CSMD2: variants seen among roughly 807,000 people sequenced by gnomAD.
The protein encoded by CSMD2 is CUB and Sushi multiple domains 2.
A neutral mutation model predicts 398.5 loss-of-function variants in CSMD2; 130 were observed. That is an observed-to-expected ratio of 0.33 (90% CI 0.28 to 0.38). CSMD2 has a LOEUF of 0.38. CSMD2 is among the 10% of genes least tolerant of loss of function. CSMD2 has a pLI of 1.00. For missense variants in CSMD2, 3,829 were observed against 4,764.9 expected (o/e 0.80, Z 5.78); for synonymous variants, 1,828 against 1,908.5 (o/e 0.96, Z 1.10).
At chr1:33,858,740 C>T (rs1188329446) in intron 5 of CSMD2, among the ~76,000 whole-genome samples, 1 of 152,200 alleles carries the variant, frequency 6.6e-6, no homozygotes, top group African/African-American at 2.4e-5. Context: ...TACCACCCTC[C>T]TTCCTGGGAC....
chr1:33,657,603 C>T (rs961211488), intron 27 of CSMD2, among the ~76,000 whole-genome samples: 20 of 152,280 alleles, frequency 1.3e-4, no homozygotes, highest in East Asian at 1.2e-3. Flanking sequence ...AGGGTCATTT[C>T]GGAATCTGTT....
chr1:33,675,471 C>T (rs1283283395), intron 25 of CSMD2, among the ~76,000 whole-genome samples: 2 of 152,158 alleles, frequency 1.3e-5, no homozygotes, highest in Non-Finnish European at 2.9e-5. Context: ...TAATTAATAG[C>T]TTACCAACCA....
chr1:34,037,147 C>T (rs1232608741), intron 2 of CSMD2, among the ~76,000 whole-genome samples: 3 of 152,154 alleles, frequency 2.0e-5, no homozygotes, highest in Non-Finnish European at 4.4e-5. Context: ...AAAATTATAT[C>T]TATGGCTCAT....
At chr1:33,812,986 C>T (rs897998512) in intron 9 of CSMD2, 1 of 152,176 alleles carries the variant, frequency 6.6e-6, no homozygotes, top group Non-Finnish European at 1.5e-5. Context: ...AGCCCTGATT[C>T]CGTCCCACCT....
intron 31 of CSMD2, among the ~76,000 whole-genome samples, chr1:33,634,794 G>C (rs35416207): frequency 1.3e-5 from 2 of 152,046 alleles, no homozygotes; most frequent in South Asian, 4.2e-4. Flanking sequence ...GTGGCTCCTG[G>C]TCTCCCTCAC....
chr1:33,728,500 T>A (rs1557801492), intron 15 of CSMD2, among the ~76,000 whole-genome samples: 1 of 152,194 alleles, frequency 6.6e-6, no homozygotes, highest in Admixed American at 6.5e-5. Context: ...ACATGTGTTA[T>A]CTCATTTAAA....
chr1:33,624,380 G>T lies in CSMD2; in HGVS notation c.5625+139C>A. On this transcript the variant is annotated intron_variant, in intron 35 of 70. Coordinates refer to ENST00000373381, the MANE Select transcript of CSMD2 (RefSeq NM_001281956.2). This position sits in a 1 kb window ranked among gnomAD's most constrained non-coding sequence, Gnocchi z 4.7. ...CTGAGCCTCCTTAGCCGCAGGGGCA[G>T]GTACAGGGCTGATATGTCTCTTCCT... 9.5e-7 allele frequency: 1 copy of T among 1,052,780 alleles called. No homozygotes were observed. Among genetic ancestry groups the T allele is most frequent in the Non-Finnish European group, 1.4e-6 (1 of 736,880 alleles). 65.2% of individuals were successfully genotyped at this position (1,052,780 alleles called of 1,614,324 possible).
At chr1:34,110,869 T>G (rs1254784546) in intron 1 of CSMD2, among the ~76,000 whole-genome samples, 1 of 151,604 alleles carries the variant, frequency 6.6e-6, no homozygotes, top group Non-Finnish European at 1.5e-5. Context: ...ATAACAAACT[T>G]GCACATGTAC....
chr1:34,109,721 G>T (rs569943326), intron 1 of CSMD2, among the ~76,000 whole-genome samples: 18 of 152,090 alleles, frequency 1.2e-4, no homozygotes, highest in East Asian at 9.7e-4. Context: ...GTGGGCAAAG[G>T]ACATGAACAG....
At chr1:34,027,939 G>A (rs1049746541) in intron 3 of CSMD2, among the ~76,000 whole-genome samples, 5 of 152,222 alleles carry the variant, frequency 3.3e-5, no homozygotes, top group Admixed American at 1.3e-4. Context: ...TAAGTGGGGC[G>A]AGGGCTCCTG....
intron 70 of CSMD2, among the ~76,000 whole-genome samples, chr1:33,517,060 C>T (rs888342566): frequency 3.3e-5 from 5 of 151,978 alleles, no homozygotes; most frequent in Admixed American, 1.3e-4. Flanking sequence ...CAGCCCTGTT[C>T]CCCCGCCCTG....
intron 10 of CSMD2, among the ~76,000 whole-genome samples, chr1:33,808,182 A>G (rs1054940112): frequency 3.3e-5 from 5 of 152,256 alleles, no homozygotes; most frequent in African/African-American, 1.2e-4. Context: ...TCATAATGGA[A>G]GATTTTAATA....
chr1:33,673,197 G>T (rs1331397537), intron 25 of CSMD2, among the ~76,000 whole-genome samples: 2 of 152,122 alleles, frequency 1.3e-5, no homozygotes, highest in African/African-American at 4.8e-5. Flanking sequence ...CAATGGCAAA[G>T]AAGTTAAAAA....
rs1006539430 is a variant in CSMD2 at position 33,760,356 on chromosome 1, C to T, written c.1846+12213G>A. ...ATATCCCCAGCTCACAGGAAAGATT[C>T]TGATACCTTATGGAACAAAGCACAA... On this transcript the variant is annotated intron_variant, in intron 13 of 70. Transcript: ENST00000373381. 5.3e-5 allele frequency among the ~76,000 whole-genome samples: 8 copies of T among 152,194 alleles called. 1 individual carries two copies. Among genetic ancestry groups the T allele is most frequent in the African/African-American group, 1.9e-4 (8 of 41,442 alleles).
At chr1:33,707,689 G>A (rs200137797) in intron 22 of CSMD2, among the ~76,000 whole-genome samples, 37 of 126,400 alleles carry the variant, frequency 2.9e-4, no homozygotes, top group African/African-American at 5.4e-4. Context: ...GCACACGCGC[G>A]CGCGCGCACA....
rs529554143 is a variant in CSMD2, at chr1:34,103,440, C to T, written c.188-14247G>A. On this transcript the variant is annotated intron_variant, in intron 1 of 70. Coordinates refer to ENST00000373381, the MANE Select transcript of CSMD2 (RefSeq NM_001281956.2). ...CAGCCTCCTGAGTAGCTGGGACTAC[C>T]GGCACCCGCCACCACGCCCAGCTAA... 1.5e-4 allele frequency among the ~76,000 whole-genome samples: 23 copies of T among 151,868 alleles called. No individual in the cohort carries two copies. The South Asian group carries it at 3.5e-3, about 23-fold the overall frequency.
intron 3 of CSMD2, among the ~76,000 whole-genome samples, chr1:33,950,767 C>T (rs1644984721): frequency 6.6e-6 from 1 of 152,186 alleles, no homozygotes; most frequent in Admixed American, 6.5e-5. Flanking sequence ...TAGACCTGGC[C>T]TGCAACTGTC....
chr1:34,071,999 T>C (rs1157157233), intron 2 of CSMD2, among the ~76,000 whole-genome samples: 7 of 152,296 alleles, frequency 4.6e-5, no homozygotes, highest in South Asian at 2.1e-4. Flanking sequence ...TGAGAAGGAA[T>C]AGGACTTAGT....
intron 56 of CSMD2, among the ~76,000 whole-genome samples, 196 bp downstream of exon 56, chr1:33,549,981 A>G (rs3795415): frequency 0.21 from 31,857 of 152,188 alleles, 3,488 homozygotes; most frequent in East Asian, 0.36. Flanking sequence ...GGGATAAGGC[A>G]GGGCTCAGCC....
Sources: gnomAD v4.1 joint callset for allele counts (sites outside exome capture counted in the v4.1 genomes callset) on GRCh38, gnomAD v4.1.1 for gene constraint, Gnocchi (gnomAD v3.1) non-coding constraint, MANE v1.5 for transcripts, NCBI Gene and HGNC (gene_info 2026-07-23, HGNC 2026-07-21) for gene names.